Variants in GABRA2 observed in about 807,000 individuals in gnomAD.
GABRA2 encodes the protein gamma-aminobutyric acid receptor subunit alpha-2.
In GABRA2, 16 loss-of-function variants were observed where a neutral mutation model predicts 48.7. That is an observed-to-expected ratio of 0.33 (90% confidence interval 0.22 to 0.50). The LOEUF is 0.50. GABRA2 is among the 20% of genes least tolerant of loss of function. The probability of loss-of-function intolerance (pLI) is 0.98; values close to 1 mark genes in which losing one functional copy is unlikely to be tolerated. For missense variants in GABRA2, 275 were observed against 535.6 expected (o/e 0.51, Z 4.80); for synonymous variants, 185 against 184.5 (o/e 1.00, Z -0.02).
chr4:46,299,439 C>A (rs1725341532), intron 8 of GABRA2, among the ~76,000 whole-genome samples: 2 of 151,730 alleles, frequency 1.3e-5, no homozygotes, highest in South Asian at 2.1e-4. Context: ...AACTTGGTTG[C>A]AATTTTAACT....
intron 3 of GABRA2, among the ~76,000 whole-genome samples, chr4:46,347,475 A>T (rs1734338150): frequency 6.6e-6 from 1 of 151,980 alleles, no homozygotes; most frequent in Non-Finnish European, 1.5e-5. Flanking sequence ...CAAAGGTTTG[A>T]AGAACACATT....
chr4:46,387,932 G>GA (rs1205669988), intron 2 of GABRA2, among the ~76,000 whole-genome samples: 1 of 152,042 alleles, frequency 6.6e-6, no homozygotes, highest in Non-Finnish European at 1.5e-5. Flanking sequence ...CACTGATGAT[G>GA]AAAATCAGGA....
intron 4 of GABRA2, among the ~76,000 whole-genome samples, chr4:46,318,612 G>A (rs1366188248): frequency 6.6e-6 from 1 of 151,448 alleles, no homozygotes; most frequent in East Asian, 1.9e-4. Flanking sequence ...TACCTGATTT[G>A]TGTTTTATAA....
intron 5 of GABRA2, among the ~76,000 whole-genome samples, chr4:46,310,484 C>T (rs975986839): frequency 6.6e-6 from 1 of 152,066 alleles, no homozygotes; most frequent in Non-Finnish European, 1.5e-5. Context: ...ATACTTTAGC[C>T]ATTTTAGTTT....
intron 6 of GABRA2, among the ~76,000 whole-genome samples, chr4:46,307,439 AGT>A (rs1491271162): frequency 8.2e-6 from 1 of 122,162 alleles, no homozygotes; most frequent in Non-Finnish European, 1.8e-5. Flanking sequence ...TAAATTATGA[AGT>A]TTTTTTTTTT....
At chr4:46,305,164 C>CA (rs1224703796) in intron 7 of GABRA2, among the ~76,000 whole-genome samples, 4 of 144,088 alleles carry the variant, frequency 2.8e-5, no homozygotes, top group African/African-American at 1.0e-4. Context: ...ATCGCAAGGA[C>CA]AAAAAACCAA....
chr4:46,383,287 G>A (rs893351619), intron 3 of GABRA2, among the ~76,000 whole-genome samples: 1 of 152,118 alleles, frequency 6.6e-6, no homozygotes, highest in Non-Finnish European at 1.5e-5. Flanking sequence ...GCGATTGAAA[G>A]GTCACACACT....
intron 8 of GABRA2, among the ~76,000 whole-genome samples, chr4:46,284,093 A>C (rs1423706423): frequency 2.9e-5 from 4 of 136,452 alleles, no homozygotes; most frequent in African/African-American, 8.3e-5. Flanking sequence ...AAAAAAAAAA[A>C]AACTCTGTTA....
chr4:46,330,951 G>T (rs553939073), intron 4 of GABRA2, among the ~76,000 whole-genome samples: 1 of 151,984 alleles, frequency 6.6e-6, no homozygotes, highest in Non-Finnish European at 1.5e-5. Flanking sequence ...TATTTACTAG[G>T]ACAAAATTAT....
chr4:46,252,147 A>G (rs940147072), intron 9 of GABRA2, among the ~76,000 whole-genome samples: 5 of 151,442 alleles, frequency 3.3e-5, no homozygotes, highest in East Asian at 3.9e-4. Flanking sequence ...TTCTAAAAAC[A>G]GTCATGGATT....
chr4:46,340,817 T>C (rs1031702949), intron 3 of GABRA2, among the ~76,000 whole-genome samples: 13 of 152,048 alleles, frequency 8.5e-5, no homozygotes, highest in Non-Finnish European at 1.8e-4. Context: ...TTTCTTTAAA[T>C]AATCTTTCTG....
intron 4 of GABRA2, among the ~76,000 whole-genome samples, chr4:46,328,960 T>C (rs175930): frequency 0.41 from 62,519 of 151,956 alleles, 13,335 homozygotes; most frequent in East Asian, 0.56. Flanking sequence ...AATTGAGCAC[T>C]ATCTTCCCTA....
chr4:46,334,192 A>G (rs1731827078), intron 3 of GABRA2, among the ~76,000 whole-genome samples: 1 of 152,130 alleles, frequency 6.6e-6, no homozygotes, highest in Non-Finnish European at 1.5e-5. Flanking sequence ...TGAGTTCAGA[A>G]AAGTCCCATG....
intron 1 of GABRA2, chr4:46,389,153 C>T (rs1041577919): frequency 7.1e-6 from 7 of 990,500 alleles, no homozygotes; most frequent in Non-Finnish European, 8.4e-6. Context: ...GCCACAACCC[C>T]CTCAACCAAG....
intron 9 of GABRA2, among the ~76,000 whole-genome samples, chr4:46,260,223 T>C (rs1303744472): frequency 1.3e-5 from 2 of 151,888 alleles, no homozygotes; most frequent in East Asian, 3.9e-4. Context: ...GTCTGATATA[T>C]TGTTTTCCTG....
At chr4:46,287,311 C>T (rs1046999351) in intron 8 of GABRA2, among the ~76,000 whole-genome samples, 2 of 152,100 alleles carry the variant, frequency 1.3e-5, no homozygotes, top group Non-Finnish European at 2.9e-5. Flanking sequence ...ATTTACTTGG[C>T]TATTCAGGCT....
At chr4:46,386,304 G>A (rs531446117) in intron 2 of GABRA2, 115 bp from the exon 3 acceptor site, 30 of 599,670 alleles carry the variant, frequency 5.0e-5, no homozygotes, top group African/African-American at 1.0e-4. Flanking sequence ...AGTACCACCC[G>A]TTTTCCTCCT....
intron 8 of GABRA2, among the ~76,000 whole-genome samples, chr4:46,268,940 G>A (rs1185794818): frequency 6.6e-6 from 1 of 151,812 alleles, no homozygotes; most frequent in East Asian, 1.9e-4. Context: ...GTCAAACACA[G>A]AAAGACAAAA....
intron 3 of GABRA2, among the ~76,000 whole-genome samples, chr4:46,361,026 A>G (rs1713092136): frequency 6.6e-6 from 1 of 152,234 alleles, no homozygotes; most frequent in Non-Finnish European, 1.5e-5. Flanking sequence ...AAAGGCATTC[A>G]GTTTTAAAAT....
Sources: allele counts gnomAD v4.1 joint callset (sites outside exome capture counted in the v4.1 genomes callset), GRCh38; gene constraint gnomAD v4.1.1; transcripts MANE v1.5; gene names NCBI Gene and HGNC (gene_info 2026-07-23, HGNC 2026-07-21).